GLOD4: variants seen among roughly 807,000 people sequenced by gnomAD.
GLOD4 encodes the protein glyoxalase domain containing 4.
GLOD4 carries 44 observed loss-of-function variants against 39.1 expected under a neutral mutation model. The observed-to-expected ratio is 1.13, with a 90% CI of 0.88 to 1.45. The LOEUF (loss-of-function observed/expected upper bound fraction) is 1.45. GLOD4 is among the 40% of genes most tolerant of loss of function. GLOD4 has a pLI of 0.00. For synonymous variants in GLOD4, 145 were observed against 135.0 expected (o/e 1.07, Z -0.52); for missense variants, 405 against 366.4 (o/e 1.11, Z -0.86).
At chr17:783,140 G>A (rs1297311008), upstream of GLOD4, 1 of 1,614,062 alleles carries the variant, frequency 6.2e-7, no homozygotes, top group African/African-American at 1.3e-5. Flanking sequence ...GGAAGATCCT[G>A]CTGGAAGGTC....
chr17:761,994 T>C (rs879909288), intron 8 of GLOD4, among the ~76,000 whole-genome samples: 6 of 152,192 alleles, frequency 3.9e-5, no homozygotes, highest in Non-Finnish European at 8.8e-5. Flanking sequence ...TCCAAAAATG[T>C]CACATGCTCT....
chr17:782,311 G>A, upstream of GLOD4: 14 of 1,610,944 alleles, frequency 8.7e-6, no homozygotes, highest in Non-Finnish European at 1.2e-5. Context: ...CACGAAGGGC[G>A]CCACGGGCCG....
chr17:783,179 T>C, upstream of GLOD4: 1 of 1,614,168 alleles, frequency 6.2e-7, no homozygotes, highest in South Asian at 1.1e-5. Flanking sequence ...CTCTCAAGGC[T>C]GGAGCTGTGC....
Position 775,894 on chromosome 17 carries a change from G to C in GLOD4, c.287C>G (p.Ala96Gly). 6.2e-7 allele frequency: 1 copy of C among 1,613,422 alleles called. No homozygotes were observed. The highest frequency in any genetic ancestry group is 8.5e-7 in the Non-Finnish European group (1 of 1,179,312). The change falls in exon 4 of 9, where the codon GCT becomes GGT. Residue 96 changes from alanine (A) to glycine (G), a missense_variant. Physicochemically the swap from Ala to Gly is moderately conservative, Grantham distance 60 (BLOSUM62 0). Coordinates refer to ENST00000301329, the MANE Select transcript of GLOD4 (RefSeq NM_016080.4). ...CTCCAGCTTCCTGGCGTTGCTGACA[G>C]CCTGGCTAGAAGCGAGCGTGATTCC... is the stretch of plus-strand genomic sequence containing the variant. Reference protein sequence around the residue: ...FMGITLASSQAVSNARKLEWP... With the variant: ...FMGITLASSQGVSNARKLEWP...
At chr17:773,399 T>TA (rs1412597284) in intron 4 of GLOD4, among the ~76,000 whole-genome samples, 2 of 152,146 alleles carry the variant, frequency 1.3e-5, no homozygotes, top group Non-Finnish European at 2.9e-5. Context: ...ATGGAACTCC[T>TA]AAAAAAGGAT....
chr17:769,948 T>A lies in GLOD4; in HGVS notation c.752A>T (p.His251Leu), dbSNP rs1240077165. 7 of 1,609,000 alleles carry A rather than the reference T, an allele frequency of 4.4e-6. No homozygotes were observed. Among genetic ancestry groups the A allele is most frequent in the Non-Finnish European group, 6.0e-6 (7 of 1,175,406 alleles). Residue 251 changes from histidine (H) to leucine (L), a missense_variant, in exon 8 of 9, where the codon CAT becomes CTT. By Grantham distance (99) the His-to-Leu change is moderately conservative (BLOSUM62 -3). Transcript: ENST00000301329. The stretch of plus-strand genomic sequence containing the variant: ...TTCATCCCCGACAAAGCAAATTTCA[T>A]GTCCGTCCTACACCAATAAAGAGAA... ...QVVILADPDG[H>L]EICFVGDEAF...
At chr17:778,399 G>C (rs1025269169) in intron 2 of GLOD4, 2 of 500,034 alleles carry the variant, frequency 4.0e-6, no homozygotes, top group African/African-American at 3.9e-5. Flanking sequence ...GCTGGTGTTA[G>C]AGAGCTGGAG....
At chr17:784,900 C>T (rs919507930), upstream of GLOD4, among the ~76,000 whole-genome samples, 1 of 152,232 alleles carries the variant, frequency 6.6e-6, no homozygotes, top group African/African-American at 2.4e-5. Flanking sequence ...GCCTAATACC[C>T]TTCCATTGCC....
chr17:785,873 C>G (rs1489677213), upstream of GLOD4, among the ~76,000 whole-genome samples: 1 of 152,116 alleles, frequency 6.6e-6, no homozygotes, highest in Non-Finnish European at 1.5e-5. Flanking sequence ...TTTTAAAAGC[C>G]TACCTGGTAG....
At chr17:769,982 T>C in intron 7 of GLOD4, 27 bp from the exon 8 acceptor site, 1 of 1,569,020 alleles carries the variant, frequency 6.4e-7, no homozygotes, top group Non-Finnish European at 8.8e-7. Context: ...AAAAGACACC[T>C]GCCAAAGACA....
Position 775,858 on chromosome 17 carries a change from G to T in GLOD4, c.323C>A (p.Thr108Lys), listed in dbSNP as rs2295476. 1 of 1,613,136 alleles carries T rather than the reference G, an allele frequency of 6.2e-7. No individual in the cohort carries two copies. Among genetic ancestry groups the T allele is most frequent in the Admixed American group, 1.7e-5 (1 of 60,002 alleles). ...SNARKLEWPL[T>K]EVAEGVFETE... ...TTCAAAAACACCTTCTGCAACTTCC[G>T]TCAGTGGCCACTCCAGCTTCCTGGC... The change falls in exon 4 of 9, where the codon ACG becomes AAG. Residue 108 changes from threonine (T) to lysine (K), a missense_variant. Coordinates refer to ENST00000301329, the MANE Select transcript of GLOD4 (RefSeq NM_016080.4).
At chr17:770,348 G>C in intron 6 of GLOD4, 73 bp downstream of exon 6, 1 of 845,584 alleles carries the variant, frequency 1.2e-6, no homozygotes, top group Non-Finnish European at 2.1e-6. Flanking sequence ...ACCTCAAGAA[G>C]GGAAGGACAA....
At chr17:770,203 C>G (rs896198799) in intron 6 of GLOD4, 46 bp from the exon 7 acceptor site, 1 of 1,005,692 alleles carries the variant, frequency 9.9e-7, no homozygotes, top group African/African-American at 1.6e-5. Context: ...ACACACTACT[C>G]AGGACACGGC....
Position 759,956 on chromosome 17 carries a change from A to G in GLOD4, c.*217T>C. 3 of 568,906 alleles carry G rather than the reference A, an allele frequency of 5.3e-6. No homozygotes were observed. Among genetic ancestry groups the G allele is most frequent in the Non-Finnish European group, 9.4e-6 (3 of 320,292 alleles). 35.2% of individuals were successfully genotyped at this position (568,906 alleles called of 1,614,324 possible). A position where few individuals can be genotyped will look rare whatever the true frequency, so the allele number is the denominator to read the frequency against. ...GAATGCGCAGTCCCAGCAACAGTGTAGATTACAGCAGGCGTTCTCTACCTG... is the reference window on the plus strand; with the variant it reads ...GAATGCGCAGTCCCAGCAACAGTGTGGATTACAGCAGGCGTTCTCTACCTG... On this transcript the variant is annotated 3_prime_UTR_variant, in exon 9 of 9. Coordinates refer to ENST00000301329, the MANE Select transcript of GLOD4 (RefSeq NM_016080.4).
At chr17:780,834 G>A (rs918159633) in intron 1 of GLOD4, 5 of 147,126 alleles carry the variant, frequency 3.4e-5, no homozygotes, top group African/African-American at 1.0e-4. Flanking sequence ...TCCTTCTTTT[G>A]TATTTTTATA....
intron 1 of GLOD4, 76 bp from the exon 2 acceptor site, chr17:778,820 C>T (rs1264592401): frequency 1.3e-6 from 1 of 763,096 alleles, no homozygotes; most frequent in South Asian, 1.6e-5. Flanking sequence ...ACTAAAATGT[C>T]AAAACACAAA....
chr17:779,499 ATGG>A (rs1223037947), intron 1 of GLOD4, among the ~76,000 whole-genome samples: 1 of 148,580 alleles, frequency 6.7e-6, no homozygotes, highest in Admixed American at 6.7e-5. Context: ...TTAGCCAGGC[ATGG>A]TGGTGGGCGC....
In GLOD4 at chr17:776,999, A is replaced by G; in HGVS notation, c.141-11T>C. The G allele has an allele frequency of 6.2e-7, 1 of 1,611,676 alleles. No homozygotes were observed. Among genetic ancestry groups the G allele is most frequent in the Non-Finnish European group, 8.5e-7 (1 of 1,177,748 alleles). On this transcript the variant is annotated splice_polypyrimidine_tract_variant and intron_variant, in intron 2 of 8. Coordinates refer to ENST00000301329, the MANE Select transcript of GLOD4 (RefSeq NM_016080.4). ...TTCCCATCATAAGGCCTAGAAAATA[A>G]AAGTAAATGAACTCAGTGACTACAG...
Position 775,792 on chromosome 17 carries a change from C to T in GLOD4, c.389G>A (p.Arg130His). 1.2e-6 allele frequency: 2 copies of T among 1,613,610 alleles called. No individual in the cohort carries two copies. The highest frequency in any genetic ancestry group is 1.7e-6 in the Non-Finnish European group (2 of 1,179,606). ...PGGYKFYLQN[R>H]SLPQSDPVLK... ...ATAATTACCTGACTGAGGCAGACTG[C>T]GATTCTGCAAATAGAACTTATATCC... Residue 130 changes from arginine (R) to histidine (H), a missense_variant, in exon 4 of 9, where the codon CGC becomes CAC. Physicochemically the swap from Arg to His is conservative, Grantham distance 29. Transcript: ENST00000301329.
Sources: gnomAD v4.1 joint callset for allele counts (sites outside exome capture counted in the v4.1 genomes callset) on GRCh38, gnomAD v4.1.1 for gene constraint, MANE v1.5 for transcripts, NCBI Gene and HGNC (gene_info 2026-07-23, HGNC 2026-07-21) for gene names.